Variants in GRIA4 observed in about 807,000 individuals in gnomAD.
The protein encoded by GRIA4 is glutamate ionotropic receptor AMPA type subunit 4.
Under a neutral mutation model 104.0 loss-of-function variants are expected in GRIA4, and 34 were observed. That is an observed-to-expected ratio of 0.33 (90% CI 0.25 to 0.44). The LOEUF (loss-of-function observed/expected upper bound fraction) is 0.44. Ranked by LOEUF, GRIA4 falls within the 20% of genes least tolerant of loss-of-function variation. The probability of loss-of-function intolerance (pLI) is 1.00; values close to 1 mark genes in which losing one functional copy is unlikely to be tolerated. For missense variants in GRIA4, 750 were observed against 1,096.5 expected (o/e 0.68, Z 4.46); for synonymous variants, 386 against 381.9 (o/e 1.01, Z -0.13).
intron 4 of GRIA4, among the ~76,000 whole-genome samples, chr11:105,841,652 G>T (rs1029979160): frequency 6.6e-6 from 1 of 152,064 alleles, no homozygotes; most frequent in South Asian, 2.1e-4. Flanking sequence ...TATAGGTTTT[G>T]TACATTTTCT....
chr11:105,941,279 A>G (rs975372040), intron 14 of GRIA4, among the ~76,000 whole-genome samples: 1 of 152,214 alleles, frequency 6.6e-6, no homozygotes, highest in Non-Finnish European at 1.5e-5. Flanking sequence ...AACAAATTTC[A>G]TACTTCATGA....
At chr11:105,967,478 A>G (rs1858445862) in intron 14 of GRIA4, among the ~76,000 whole-genome samples, 1 of 152,162 alleles carries the variant, frequency 6.6e-6, no homozygotes, top group South Asian at 2.1e-4. Flanking sequence ...CAAAAGAATA[A>G]ATTTCTCTCT....
chr11:105,740,890 T>C (rs543937328), intron 3 of GRIA4, among the ~76,000 whole-genome samples: 56 of 152,312 alleles, frequency 3.7e-4, no homozygotes, highest in African/African-American at 1.3e-3. Context: ...CAAAAGTCAT[T>C]GTGGCTTTTA....
At chr11:105,762,026 A>ATTT (rs68081839) in intron 4 of GRIA4, among the ~76,000 whole-genome samples, 9 of 147,178 alleles carry the variant, frequency 6.1e-5, no homozygotes, top group East Asian at 2.0e-4. Context: ...AGAAGTCTTA[A>ATTT]TTTTTTTTTT....
At chr11:105,713,278 G>A (rs1488632272) in intron 3 of GRIA4, among the ~76,000 whole-genome samples, 8 of 151,810 alleles carry the variant, frequency 5.3e-5, no homozygotes, top group Non-Finnish European at 1.2e-4. Context: ...AGCTACGTAG[G>A]ACGCTGAGGC....
At chr11:105,912,069 T>C in intron 10 of GRIA4, 2 of 1,128,380 alleles carry the variant, frequency 1.8e-6, no homozygotes, top group South Asian at 7.6e-5. Flanking sequence ...CTGTGACTTT[T>C]CTGAGATACT....
intron 9 of GRIA4, among the ~76,000 whole-genome samples, chr11:105,907,724 T>C (rs1329673306): frequency 6.6e-6 from 1 of 152,214 alleles, no homozygotes; most frequent in African/African-American, 2.4e-5. Flanking sequence ...GAGCACATTA[T>C]ATGCCACACA....
chr11:105,681,360 T>C (rs1415505654), intron 3 of GRIA4, among the ~76,000 whole-genome samples: 1 of 152,226 alleles, frequency 6.6e-6, no homozygotes, highest in Non-Finnish European at 1.5e-5. Flanking sequence ...CTGAAGTTCA[T>C]GATATTCCTT....
chr11:105,899,414 C>T (rs1946776697), intron 7 of GRIA4, among the ~76,000 whole-genome samples: 1 of 152,182 alleles, frequency 6.6e-6, no homozygotes, highest in Non-Finnish European at 1.5e-5. Flanking sequence ...GTCCTTGAGT[C>T]AGGGACCAGG....
intron 6 of GRIA4, among the ~76,000 whole-genome samples, chr11:105,895,469 T>C (rs1946618230): frequency 6.6e-6 from 1 of 151,926 alleles, no homozygotes; most frequent in East Asian, 1.9e-4. Flanking sequence ...TGGGTAGATA[T>C]ATAGATGGAA....
At chr11:105,824,207 A>C (rs981206639) in intron 4 of GRIA4, among the ~76,000 whole-genome samples, 2 of 151,342 alleles carry the variant, frequency 1.3e-5, no homozygotes, top group Non-Finnish European at 2.9e-5. Flanking sequence ...TTTAAAAGTC[A>C]AACAGTTCAG....
chr11:105,612,177 T>C (rs901196052), intron 2 of GRIA4, 99 bp from the exon 3 acceptor site: 1 of 1,046,750 alleles, frequency 9.6e-7, no homozygotes. Flanking sequence ...TCTTTAATTG[T>C]ATGTGCTTGT....
intron 3 of GRIA4, chr11:105,614,559 TAA>T (rs1950553791): frequency 1.3e-5 from 2 of 152,004 alleles, no homozygotes; most frequent in South Asian, 2.1e-4. Flanking sequence ...GAGTAAACTT[TAA>T]GTCTGTTTAT....
intron 5 of GRIA4, among the ~76,000 whole-genome samples, chr11:105,870,739 T>TA (rs1460798338): frequency 6.6e-6 from 1 of 152,074 alleles, no homozygotes; most frequent in Non-Finnish European, 1.5e-5. Flanking sequence ...CAAGGCAAAT[T>TA]AAAGGCAGAT....
chr11:105,709,984 G>T (rs1041117272), intron 3 of GRIA4, among the ~76,000 whole-genome samples: 1 of 152,092 alleles, frequency 6.6e-6, no homozygotes. Flanking sequence ...AATTGGAGGA[G>T]ACAAAGTTTT....
intron 4 of GRIA4, among the ~76,000 whole-genome samples, chr11:105,855,622 A>C (rs896159828): frequency 1.3e-5 from 2 of 152,136 alleles, no homozygotes; most frequent in African/African-American, 2.4e-5. Flanking sequence ...AAATTATTCA[A>C]ATTTTTCAAA....
At chr11:105,935,854 A>G (rs1374598707) in intron 14 of GRIA4, among the ~76,000 whole-genome samples, 1 of 152,114 alleles carries the variant, frequency 6.6e-6, no homozygotes, top group Admixed American at 6.6e-5. Context: ...GTTTGGGGAA[A>G]AGCTGAAGGG....
intron 14 of GRIA4, among the ~76,000 whole-genome samples, chr11:105,967,632 TA>T (rs1256834304): frequency 1.3e-5 from 2 of 151,022 alleles, no homozygotes; most frequent in African/African-American, 4.9e-5. Context: ...TATAAAAAAT[TA>T]ACATAAAATG....
chr11:105,679,954 G>T (rs1952657787), intron 3 of GRIA4, among the ~76,000 whole-genome samples: 1 of 152,056 alleles, frequency 6.6e-6, no homozygotes, highest in African/African-American at 2.4e-5. Context: ...ACAGGTTATG[G>T]TAATACTAAG....
Sources: allele counts gnomAD v4.1 joint callset (sites outside exome capture counted in the v4.1 genomes callset), GRCh38; gene constraint gnomAD v4.1.1; transcripts MANE v1.5; gene names NCBI Gene and HGNC (gene_info 2026-07-23, HGNC 2026-07-21).